Variants in NXPE2 observed in about 807,000 individuals in gnomAD.
NXPE2 encodes NXPE family member 2.
NXPE2 carries 34 observed loss-of-function variants against 34.4 expected under a neutral mutation model. The observed-to-expected ratio is 0.99, with a 90% CI of 0.75 to 1.31. The LOEUF (loss-of-function observed/expected upper bound fraction) is 1.31. NXPE2 is among the 40% of genes most tolerant of loss of function. The pLI, the probability that NXPE2 is intolerant of heterozygous loss-of-function variation, is 0.00. For missense variants in NXPE2, 649 were observed against 672.5 expected, an observed-to-expected ratio of 0.97 and a Z score of 0.39; for synonymous variants, 235 against 231.3, an observed-to-expected ratio of 1.02 and a Z score of -0.15.
At chr11:114,589,360 TC>T in the NXPE2 span, among the ~76,000 whole-genome samples, 57 of 152,214 alleles carry the variant, frequency 3.7e-4, no homozygotes, top group South Asian at 0.011. Context: ...TGGACCTCCT[TC>T]TGGACACCAG....
In NXPE2 at chr11:114,705,781, A is replaced by G. The variant is rs1011483538; in HGVS notation, c.929A>G (p.Lys310Arg). ...TTAATCTGGAAATTTGTATTGCCAG[A>G]GAGCGAGAACATAAAAAAGAACTGC... ...FTPIEVIPCN[K>R]SENIKKNCQI... The change falls in exon 5 of 6, where the codon AAG becomes AGG. Residue 310 changes from lysine (K) to arginine (R), a missense_variant and splice_region_variant. Lys to Arg is a conservative substitution (Grantham distance 26). Coordinates refer to ENST00000389586, the MANE Select transcript of NXPE2 (RefSeq NM_182495.6). 3 of 1,433,698 alleles carry G rather than the reference A, an allele frequency of 2.1e-6. No individual in the cohort carries two copies. Among genetic ancestry groups the G allele is most frequent in the Non-Finnish European group, 2.8e-6 (3 of 1,089,682 alleles). 88.8% of individuals were successfully genotyped at this position (1,433,698 alleles called of 1,614,324 possible). A position where few individuals can be genotyped will look rare whatever the true frequency, so the allele number is the denominator to read the frequency against.
chr11:114,520,270 C>T, the NXPE2 span, among the ~76,000 whole-genome samples: 1 of 152,160 alleles, frequency 6.6e-6, no homozygotes, highest in Non-Finnish European at 1.5e-5. Context: ...TTTTCTCTTC[C>T]TCCCAGCCTG....
the NXPE2 span, among the ~76,000 whole-genome samples, chr11:114,540,859 T>TGGC: frequency 6.1e-4 from 40 of 65,292 alleles, no homozygotes; most frequent in South Asian, 2.7e-3. Context: ...TTTTTTTTTT[T>TGGC]TTTTTTTTTT....
chr11:114,755,026 T>C, the NXPE2 span, among the ~76,000 whole-genome samples: 8 of 152,164 alleles, frequency 5.3e-5, no homozygotes, highest in African/African-American at 1.9e-4. Flanking sequence ...ATTTTTGCAA[T>C]GTGGAGGTCA....
the NXPE2 span, among the ~76,000 whole-genome samples, chr11:114,782,205 G>T: frequency 3.9e-5 from 6 of 152,300 alleles, no homozygotes; most frequent in South Asian, 1.2e-3. Context: ...TTTTTGATCT[G>T]CAATTGGTTG....
chr11:114,742,280 C>A, the NXPE2 span, among the ~76,000 whole-genome samples: 4 of 152,226 alleles, frequency 2.6e-5, no homozygotes, highest in Middle Eastern at 3.4e-3. Flanking sequence ...TGTTGTTCTG[C>A]GGATAAAGCC....
the NXPE2 span, among the ~76,000 whole-genome samples, chr11:114,632,227 G>T: frequency 7.2e-6 from 1 of 138,178 alleles, no homozygotes; most frequent in African/African-American, 2.6e-5. Flanking sequence ...ATGTATATAT[G>T]TATAATATAT....
At chr11:114,752,807 A>AT in the NXPE2 span, among the ~76,000 whole-genome samples, 7 of 152,194 alleles carry the variant, frequency 4.6e-5, no homozygotes, top group Admixed American at 6.5e-5. Context: ...GATGTCTAGT[A>AT]ACCAATTGGA....
rs753046826 is a variant in NXPE2 at position 114,698,371 on chromosome 11, G to A, written c.459G>A (p.Arg153=). ...KQYGGDFLRA[R]MYSTALMAGA... ...ATGGTGGGGATTTCCTGAGGGCCAGGATGTACTCCACAGCACTAATGGCAG... is the reference window on the plus strand; with the variant it reads ...ATGGTGGGGATTTCCTGAGGGCCAGAATGTACTCCACAGCACTAATGGCAG... The change falls in exon 3 of 6, where the codon AGG becomes AGA. Residue 153 remains arginine, a synonymous_variant. Transcript: ENST00000389586. 2 of 1,614,022 alleles carry A rather than the reference G, an allele frequency of 1.2e-6. No individual in the cohort carries two copies. The highest frequency in any genetic ancestry group is 3.3e-5 in the Admixed American group (2 of 60,008).
the NXPE2 span, among the ~76,000 whole-genome samples, chr11:114,633,029 A>T: frequency 2.7e-5 from 3 of 109,130 alleles, no homozygotes; most frequent in Non-Finnish European, 3.3e-5. Context: ...ATATAATGTA[A>T]TATTTTATTA....
chr11:114,783,041 C>A, the NXPE2 span, among the ~76,000 whole-genome samples: 1 of 152,068 alleles, frequency 6.6e-6, no homozygotes, highest in Admixed American at 6.6e-5. Flanking sequence ...TAAGATAGCA[C>A]GGGGCTAAAG....
chr11:114,787,657 T>C, the NXPE2 span, among the ~76,000 whole-genome samples: 1 of 152,124 alleles, frequency 6.6e-6, no homozygotes, highest in African/African-American at 2.4e-5. Context: ...ACCAATTATT[T>C]CTAAAAATCC....
At chr11:114,718,329 G>A in the NXPE2 span, among the ~76,000 whole-genome samples, 7 of 152,232 alleles carry the variant, frequency 4.6e-5, no homozygotes, top group Admixed American at 1.3e-4. Context: ...TAAGCCTGGC[G>A]CATTGCAGGT....
chr11:114,697,564 A>T (rs1951281514), intron 2 of NXPE2, among the ~76,000 whole-genome samples: 1 of 152,184 alleles, frequency 6.6e-6, no homozygotes, highest in African/African-American at 2.4e-5. Flanking sequence ...AATGTAGAAG[A>T]AGTAGAGAAC....
At chr11:114,663,663 C>T in the NXPE2 span, among the ~76,000 whole-genome samples, 5 of 117,056 alleles carry the variant, frequency 4.3e-5, no homozygotes, top group African/African-American at 1.6e-4. Context: ...ATCTATTTAT[C>T]TATCATCTAT....
the NXPE2 span, among the ~76,000 whole-genome samples, chr11:114,567,114 C>T: frequency 8.2e-4 from 125 of 152,294 alleles, no homozygotes; most frequent in African/African-American, 2.9e-3. Flanking sequence ...CAGTAGGGCT[C>T]TTCCCCAGCC....
the NXPE2 span, among the ~76,000 whole-genome samples, chr11:114,770,765 A>C: frequency 1.3e-5 from 2 of 152,186 alleles, no homozygotes; most frequent in Non-Finnish European, 2.9e-5. Flanking sequence ...CTACACACAA[A>C]TCTAGTTTTG....
At chr11:114,587,617 A>G in the NXPE2 span, among the ~76,000 whole-genome samples, 1 of 152,198 alleles carries the variant, frequency 6.6e-6, no homozygotes, top group Non-Finnish European at 1.5e-5. Context: ...GCTTGCATCA[A>G]TGGATGGCAC....
At chr11:114,610,426 C>G in the NXPE2 span, among the ~76,000 whole-genome samples, 1 of 151,890 alleles carries the variant, frequency 6.6e-6, no homozygotes, top group South Asian at 2.1e-4. Context: ...CCTATTGCCT[C>G]TCGGGTAACC....
Sources: allele counts gnomAD v4.1 joint callset (sites outside exome capture counted in the v4.1 genomes callset), GRCh38; gene constraint gnomAD v4.1.1; transcripts MANE v1.5; gene names NCBI Gene and HGNC (gene_info 2026-07-23, HGNC 2026-07-21).